The following IHO1 variants were observed in gnomAD, a reference collection of about 807,000 sequenced individuals.
IHO1 encodes the protein interactor of HORMAD1 1.
Under a neutral mutation model 31.0 loss-of-function variants are expected in IHO1, and 13 were observed. That is an observed-to-expected ratio of 0.42 (90% CI 0.27 to 0.67). IHO1 has a LOEUF of 0.67. IHO1 is among the 30% of genes least tolerant of loss of function. The pLI, the probability that IHO1 is intolerant of heterozygous loss-of-function variation, is 0.24. For synonymous variants in IHO1, 221 were observed against 248.4 expected (o/e 0.89, Z 1.04); for missense variants, 599 against 687.5 (o/e 0.87, Z 1.44).
intron 3 of IHO1, among the ~76,000 whole-genome samples, chr3:49,240,544 T>A (rs1291100607): frequency 6.6e-6 from 1 of 152,104 alleles, no homozygotes; most frequent in Non-Finnish European, 1.5e-5. Context: ...TTTCTAGTAG[T>A]GACGGGGTTT....
chr3:49,213,113 G>C (rs1286667619), intron 2 of IHO1, among the ~76,000 whole-genome samples: 1 of 149,012 alleles, frequency 6.7e-6, no homozygotes, highest in Non-Finnish European at 1.5e-5. Context: ...CTAGACACAG[G>C]GTGCTGATTG....
chr3:49,235,244 T>TC (rs1247044486), intron 2 of IHO1, among the ~76,000 whole-genome samples: 15 of 151,234 alleles, frequency 9.9e-5, no homozygotes, highest in African/African-American at 3.6e-4. Flanking sequence ...TTTTTTTTTT[T>TC]TTTGAGGAGT....
At chr3:49,215,239 G>C in intron 2 of IHO1, among the ~76,000 whole-genome samples, 1 of 151,618 alleles carries the variant, frequency 6.6e-6, no homozygotes, top group East Asian at 2.0e-4. Context: ...TTGTAAAGAC[G>C]AGGTTTCGCT....
intron 2 of IHO1, among the ~76,000 whole-genome samples, chr3:49,230,503 C>G (rs1463932865): frequency 6.6e-6 from 1 of 152,230 alleles, no homozygotes; most frequent in African/African-American, 2.4e-5. Context: ...TCATGTTAAA[C>G]AGTCCAACAA....
chr3:49,195,742 A>C (rs1295138358), upstream of IHO1, among the ~76,000 whole-genome samples: 1 of 151,638 alleles, frequency 6.6e-6, no homozygotes, highest in Admixed American at 6.6e-5. Context: ...AAAATAATAA[A>C]TAAATAATAA....
chr3:49,200,536 AGT>A (rs2046056304), intron 1 of IHO1: 2 of 977,270 alleles, frequency 2.0e-6, no homozygotes, highest in African/African-American at 3.6e-5. Flanking sequence ...AGATTGTCGC[AGT>A]AGAGTTGACG....
the IHO1 span, chr3:49,191,752 C>A: frequency 6.3e-7 from 1 of 1,579,300 alleles, no homozygotes. Flanking sequence ...TACCCAGGAG[C>A]CTACTAAAGC....
chr3:49,214,634 T>A lies in IHO1; in HGVS notation c.56+2798T>A, dbSNP rs866178908. Among the ~76,000 whole-genome samples the A allele has an allele frequency of 1.5e-3, 27 of 17,756 alleles. No homozygotes were observed. In the East Asian group the frequency reaches 0.17, roughly 110 times the overall value. 11.6% of individuals were successfully genotyped at this position (17,756 alleles called of 152,430 possible). On this transcript the variant is annotated intron_variant, in intron 2 of 7. Coordinates refer to ENST00000452691, the MANE Select transcript of IHO1 (RefSeq NM_001135197.2). ...TATATATATATATATATATATATAT[T>A]TTTTTTTTTTTTTTTTTTTTTTGAG... is the stretch of plus-strand genomic sequence containing the variant.
chr3:49,199,290 G>C (rs1418273450), upstream of IHO1, among the ~76,000 whole-genome samples: 2 of 152,198 alleles, frequency 1.3e-5, no homozygotes, highest in African/African-American at 4.8e-5. Flanking sequence ...GGTTAAAACC[G>C]TTAGCTGCCT....
chr3:49,244,316 AG>A, intron 4 of IHO1, 87 bp from the exon 5 acceptor site: 1 of 827,740 alleles, frequency 1.2e-6, no homozygotes, highest in Non-Finnish European at 2.1e-6. Context: ...TGCTAGGTAG[AG>A]ATCTGCCATA....
intron 1 of IHO1, among the ~76,000 whole-genome samples, chr3:49,211,504 C>T (rs1311846767): frequency 6.6e-6 from 1 of 151,340 alleles, no homozygotes; most frequent in Non-Finnish European, 1.5e-5. Context: ...GGTGTGGTGG[C>T]GGGTGCTTGT....
chr3:49,230,467 T>C (rs1009519409), intron 2 of IHO1, among the ~76,000 whole-genome samples: 1 of 152,216 alleles, frequency 6.6e-6, no homozygotes, highest in Non-Finnish European at 1.5e-5. Context: ...CTGCTAAGCA[T>C]TTTCACTGGA....
chr3:49,244,931 C>G (rs938093343), intron 6 of IHO1, 198 bp downstream of exon 6: 13 of 638,562 alleles, frequency 2.0e-5, no homozygotes, highest in Non-Finnish European at 3.4e-5. Flanking sequence ...TGACAATGCT[C>G]TGGTCCCATG....
intron 2 of IHO1, among the ~76,000 whole-genome samples, chr3:49,218,896 G>A (rs138271540): frequency 2.2e-4 from 33 of 152,236 alleles, no homozygotes; most frequent in Middle Eastern, 6.8e-3. Context: ...TTAGCTGGGC[G>A]TGGTGATGCA....
chr3:49,249,919 C>T (rs970008219), intron 6 of IHO1, among the ~76,000 whole-genome samples: 3 of 152,204 alleles, frequency 2.0e-5, no homozygotes, highest in African/African-American at 7.2e-5. Flanking sequence ...AAGCTTGCAT[C>T]ACAATCTGAT....
chr3:49,218,376 C>CTTTTTTT (rs34312848), intron 2 of IHO1, among the ~76,000 whole-genome samples: 3 of 105,820 alleles, frequency 2.8e-5, no homozygotes, highest in African/African-American at 3.6e-5. Context: ...CAGTTAATAC[C>CTTTTTTT]TTTTTTTTTT....
At chr3:49,224,926 A>T (rs979489690) in intron 2 of IHO1, among the ~76,000 whole-genome samples, 3 of 152,228 alleles carry the variant, frequency 2.0e-5, no homozygotes, top group Non-Finnish European at 2.9e-5. Context: ...TCTGATAGCG[A>T]TAAACTTCCT....
chr3:49,256,389 C>G lies in IHO1; in HGVS notation c.892C>G (p.Gln298Glu). Residue 298 changes from glutamine to glutamate, a missense_variant, in exon 8 of 8, where the codon CAG becomes GAG. Coordinates refer to ENST00000452691, the MANE Select transcript of IHO1 (RefSeq NM_001135197.2). The surrounding 1 kb of genome is among the most constrained non-coding windows in gnomAD (Gnocchi z 4.6). Reference protein sequence around the residue: ...KYTSEKPVLWQAQALPAAWNP... With the variant: ...KYTSEKPVLWEAQALPAAWNP... ...CACCTCTGAGAAACCAGTTTTATGG[C>G]AGGCCCAGGCCCTCCCTGCTGCATG... 1 of 1,614,170 alleles carries G rather than the reference C, an allele frequency of 6.2e-7. No individual in the cohort carries two copies. The highest frequency in any genetic ancestry group is 8.5e-7 in the Non-Finnish European group (1 of 1,180,030).
chr3:49,231,879 G>C (rs1319181822), intron 2 of IHO1, among the ~76,000 whole-genome samples: 2 of 152,186 alleles, frequency 1.3e-5, no homozygotes, highest in Non-Finnish European at 2.9e-5. Flanking sequence ...TGCCCAACTT[G>C]CCAAATGGTG....
Sources: gnomAD v4.1 joint callset for allele counts (sites outside exome capture counted in the v4.1 genomes callset) on GRCh38, gnomAD v4.1.1 for gene constraint, Gnocchi (gnomAD v3.1) non-coding constraint, MANE v1.5 for transcripts, NCBI Gene and HGNC (gene_info 2026-07-23, HGNC 2026-07-21) for gene names.